The following PCCA variants were observed in gnomAD, a reference collection of about 807,000 sequenced individuals.
PCCA encodes propionyl-CoA carboxylase subunit alpha.
In PCCA, 74 loss-of-function variants were observed where a neutral mutation model predicts 101.3. That is an observed-to-expected ratio of 0.73 (90% CI 0.61 to 0.89). PCCA has a LOEUF of 0.89. PCCA is among the 40% of genes least tolerant of loss of function. The pLI, the probability that PCCA is intolerant of heterozygous loss-of-function variation, is 0.00. For missense variants in PCCA, 891 were observed against 907.0 expected, an observed-to-expected ratio of 0.98 and a Z score of 0.23; for synonymous variants, 294 against 313.6, an observed-to-expected ratio of 0.94 and a Z score of 0.66.
chr13:100,097,761 A>C (rs2046906439), intron 1 of PCCA, among the ~76,000 whole-genome samples: 2 of 152,190 alleles, frequency 1.3e-5, no homozygotes, highest in South Asian at 4.1e-4. Context: ...ATGTTAACAA[A>C]GTAAAGCAAA....
intron 20 of PCCA, among the ~76,000 whole-genome samples, chr13:100,435,323 A>G (rs922281088): frequency 6.6e-6 from 1 of 152,086 alleles, no homozygotes; most frequent in African/African-American, 2.4e-5. Context: ...AACAACCAAG[A>G]TCTACCTCTG....
chr13:100,217,443 C>CA (rs61099971), intron 7 of PCCA, among the ~76,000 whole-genome samples: 44,412 of 134,838 alleles, frequency 0.33, 7,265 homozygotes, highest in East Asian at 0.7. Context: ...GACTCCATCT[C>CA]AAAAAAAAAA....
chr13:100,137,922 A>T (rs1272618991), intron 4 of PCCA, among the ~76,000 whole-genome samples: 1 of 150,630 alleles, frequency 6.6e-6, no homozygotes, highest in East Asian at 2.0e-4. Context: ...TGATCCTTTC[A>T]CCTCAGCCTC....
At chr13:100,197,174 C>T (rs920277294) in intron 6 of PCCA, among the ~76,000 whole-genome samples, 1 of 152,088 alleles carries the variant, frequency 6.6e-6, no homozygotes, top group African/African-American at 2.4e-5. Context: ...TGTTTCTCCC[C>T]TCTCAGCATT....
At chr13:100,148,766 C>G (rs1198342484) in intron 4 of PCCA, among the ~76,000 whole-genome samples, 2 of 152,102 alleles carry the variant, frequency 1.3e-5, no homozygotes, top group Non-Finnish European at 2.9e-5. Context: ...TATTAGTTCC[C>G]TTTTGTGAAA....
intron 16 of PCCA, among the ~76,000 whole-genome samples, chr13:100,315,678 G>C (rs2067279699): frequency 6.6e-6 from 1 of 152,306 alleles, no homozygotes; most frequent in African/African-American, 2.4e-5. Flanking sequence ...TGTCTGGGCA[G>C]TGTTTTGGAA....
At chr13:100,440,188 AT>A (rs2080254685) in intron 20 of PCCA, among the ~76,000 whole-genome samples, 75 of 105,720 alleles carry the variant, frequency 7.1e-4, no homozygotes, top group South Asian at 2.6e-3. Flanking sequence ...ATATATATAT[AT>A]ATATATATAT....
chr13:100,347,102 C>T (rs1365465403), intron 18 of PCCA, among the ~76,000 whole-genome samples: 1 of 152,162 alleles, frequency 6.6e-6, no homozygotes, highest in East Asian at 1.9e-4. Flanking sequence ...GTCACGATCT[C>T]CTGACCTTGT....
chr13:100,419,270 G>A (rs1243028804), intron 19 of PCCA, among the ~76,000 whole-genome samples: 3 of 151,944 alleles, frequency 2.0e-5, no homozygotes, highest in Admixed American at 2.0e-4. Flanking sequence ...TCAGAAGTTC[G>A]AGACCAGCCT....
chr13:100,453,478 A>T (rs369989346), intron 21 of PCCA, among the ~76,000 whole-genome samples: 987 of 46,790 alleles, frequency 0.021, 10 homozygotes, highest in African/African-American at 0.16. Flanking sequence ...ACTCTAGTTT[A>T]AAAAAAAAAA....
At chr13:100,104,249 T>G (rs992174213) in intron 2 of PCCA, among the ~76,000 whole-genome samples, 1 of 152,158 alleles carries the variant, frequency 6.6e-6, no homozygotes, top group Non-Finnish European at 1.5e-5. Context: ...CAGATTCTTT[T>G]GAATCTGGAG....
intron 4 of PCCA, among the ~76,000 whole-genome samples, chr13:100,133,483 C>T (rs989019164): frequency 5.3e-5 from 8 of 152,246 alleles, no homozygotes; most frequent in South Asian, 4.1e-4. Flanking sequence ...CTTCAGGCCA[C>T]GAAGATTTTC....
rs1064793224 is a variant in PCCA, at chr13:100,262,754, G to A, written c.742G>A (p.Glu248Lys). ...TRDGFRLSSQ[E>K]AASSFGDDRL... ...GGATGGTTTTAGATTGTCATCTCAA[G>A]AAGCTGCTTCTAGTTTTGGCGATGA... Residue 248 changes from glutamate (E) to lysine (K), a missense_variant, in exon 10 of 24, where the codon GAA becomes AAA. By Grantham distance (56) the Glu-to-Lys change is moderately conservative. Coordinates refer to ENST00000376285, the MANE Select transcript of PCCA (RefSeq NM_000282.4). 1.3e-6 allele frequency: 2 copies of A among 1,547,580 alleles called. No homozygotes were observed. Among genetic ancestry groups the A allele is most frequent in the Non-Finnish European group, 1.8e-6 (2 of 1,133,486 alleles).
At chr13:100,400,905 C>G (rs1211525861) in intron 19 of PCCA, among the ~76,000 whole-genome samples, 1 of 151,986 alleles carries the variant, frequency 6.6e-6, no homozygotes, top group Non-Finnish European at 1.5e-5. Flanking sequence ...GGATTACAGG[C>G]GTGAGCCACC....
At chr13:100,300,868 G>A (rs1006424831) in intron 12 of PCCA, among the ~76,000 whole-genome samples, 4 of 152,230 alleles carry the variant, frequency 2.6e-5, no homozygotes, top group Admixed American at 6.5e-5. Context: ...CGATCGCACT[G>A]GCTCTGTTTT....
At chr13:100,427,382 A>G (rs941912710) in intron 20 of PCCA, among the ~76,000 whole-genome samples, 2 of 152,348 alleles carry the variant, frequency 1.3e-5, no homozygotes, top group African/African-American at 4.8e-5. Context: ...AACTCCTATT[A>G]TGCAAATTTT....
intron 16 of PCCA, among the ~76,000 whole-genome samples, chr13:100,319,285 T>G (rs2152712228): frequency 6.6e-6 from 1 of 152,278 alleles, no homozygotes; most frequent in East Asian, 1.9e-4. Context: ...TTCTGTAGGT[T>G]GCCTGTTCAC....
chr13:100,257,576 A>G lies in PCCA; in HGVS notation c.638-19A>G. The G allele has an allele frequency of 6.3e-7, 1 of 1,595,048 alleles. No individual in the cohort carries two copies. ...ATGATCAAAGTCTGAACTTCTGTCTAATTCTTCCCTGCTGTTAGGCTACCC... is the reference window on the plus strand; with the variant it reads ...ATGATCAAAGTCTGAACTTCTGTCTGATTCTTCCCTGCTGTTAGGCTACCC... On this transcript the variant is annotated intron_variant, in intron 8 of 23. Transcript: ENST00000376285.
chr13:100,426,359 GAA>G (rs397940109), intron 20 of PCCA, among the ~76,000 whole-genome samples: 1 of 141,422 alleles, frequency 7.1e-6, no homozygotes. Context: ...AGCGTTTTAG[GAA>G]AAAAAAAAAA....
Sources: gnomAD v4.1 joint callset for allele counts (sites outside exome capture counted in the v4.1 genomes callset) on GRCh38, gnomAD v4.1.1 for gene constraint, MANE v1.5 for transcripts, NCBI Gene and HGNC (gene_info 2026-07-23, HGNC 2026-07-21) for gene names.